The following PLAAT1 variants were observed in gnomAD, a reference collection of about 807,000 sequenced individuals.
PLAAT1 encodes the protein H-REV107 protein-related protein.
PLAAT1 carries 13 observed loss-of-function variants against 16.4 expected under a neutral mutation model. The observed-to-expected ratio is 0.79, with a 90% confidence interval of 0.52 to 1.26. The LOEUF (loss-of-function observed/expected upper bound fraction) is 1.26. Among genes scored for constraint, PLAAT1 ranks in the 50% most tolerant of loss-of-function variants. The pLI, the probability that PLAAT1 is intolerant of heterozygous loss-of-function variation, is 0.00. For synonymous variants in PLAAT1, 73 were observed against 78.4 expected (o/e 0.93, Z 0.36); for missense variants, 218 against 207.8 (o/e 1.05, Z -0.30).
intron 1 of PLAAT1, 67 bp downstream of exon 1, chr3:193,241,600 G>GC (rs1715750515): frequency 8.7e-7 from 1 of 1,143,250 alleles, no homozygotes; most frequent in African/African-American, 1.6e-5. Context: ...TAACCAACTG[G>GC]CAAGTGGGAA....
chr3:193,253,108 A>C (rs1053140029), intron 1 of PLAAT1, among the ~76,000 whole-genome samples: 1 of 152,194 alleles, frequency 6.6e-6, no homozygotes, highest in African/African-American at 2.4e-5. Flanking sequence ...GGAGACCATT[A>C]GATTAGATAA....
rs1232013218 is a variant in PLAAT1 at position 193,244,481 on chromosome 3, A to T, written c.-1+2948A>T. On this transcript the variant is annotated intron_variant, in intron 1 of 3. Coordinates refer to ENST00000264735, the MANE Select transcript of PLAAT1 (RefSeq NM_020386.5). The stretch of plus-strand genomic sequence containing the variant: ...ATATCTCATTTTGTTTTTTTTTTTT[A>T]AATTGACAATGATTTATATTTATGG... Among the ~76,000 whole-genome samples the T allele has an allele frequency of 8.9e-5, 13 of 146,418 alleles. No homozygotes were observed. The East Asian group carries it at 1.6e-3, about 18-fold the overall frequency.
intron 2 of PLAAT1, among the ~76,000 whole-genome samples, chr3:193,259,196 A>G (rs548985398): frequency 1.3e-4 from 20 of 152,300 alleles, no homozygotes; most frequent in African/African-American, 4.6e-4. Context: ...ACATCCCTTC[A>G]TGTTAAAAAC....
rs767681431 is a variant in PLAAT1, at chr3:193,255,733, A to G, written c.83A>G (p.Tyr28Cys). The change falls in exon 2 of 4, where the codon TAT becomes TGT. Residue 28 changes from tyrosine to cysteine, a missense_variant. Physicochemically the swap from Tyr to Cys is radical, Grantham distance 194. Transcript: ENST00000264735. ...TTGATCGAAGTGTTCCGTCCTGGCT[A>G]TCAGCACTGGGCCCTGTACTTGGGT... ...GDLIEVFRPG[Y>C]QHWALYLGDG... 31 of 1,613,174 alleles carry G rather than the reference A, an allele frequency of 1.9e-5. No homozygotes were observed. Among genetic ancestry groups the G allele is most frequent in the East Asian group, 1.1e-4 (5 of 44,856 alleles).
downstream of PLAAT1, chr3:193,279,557 T>A (rs1378323564): frequency 1.2e-6 from 1 of 816,824 alleles, no homozygotes; most frequent in East Asian, 2.6e-5. Context: ...ATACCAGATA[T>A]ATCTTCAGAT....
intron 1 of PLAAT1, among the ~76,000 whole-genome samples, chr3:193,249,478 T>C (rs565999876): frequency 7.2e-5 from 11 of 152,286 alleles, no homozygotes; most frequent in East Asian, 3.9e-4. Context: ...CATTTCATTA[T>C]GTTGATGAGA....
intron 1 of PLAAT1, among the ~76,000 whole-genome samples, chr3:193,250,863 T>C (rs1021351304): frequency 1.5e-5 from 2 of 136,498 alleles, no homozygotes; most frequent in South Asian, 5.4e-4. Context: ...CTTTTTCCAA[T>C]TGGAGATTAA....
rs1716710919 is a variant in PLAAT1, at chr3:193,264,573, A to G, written c.405+1338A>G. On this transcript the variant is annotated intron_variant, in intron 3 of 3. Transcript: ENST00000264735. ...GGCTGGAGTGCAGTGGCACGATCTCAGCTCACTGCAACCTCCGCCTCCTGG... is the reference window on the plus strand; with the variant it reads ...GGCTGGAGTGCAGTGGCACGATCTCGGCTCACTGCAACCTCCGCCTCCTGG... Among the ~76,000 whole-genome samples the G allele has an allele frequency of 2.0e-5, 3 of 151,250 alleles. No homozygotes were observed. The South Asian group carries it at 6.2e-4, about 31-fold the overall frequency.
chr3:193,277,170 T>TAAATCATTCA (rs1717256697), intron 2 of PLAAT1, among the ~76,000 whole-genome samples: 2 of 152,184 alleles, frequency 1.3e-5, no homozygotes, highest in Admixed American at 6.5e-5. Flanking sequence ...AGGCTAAGAT[T>TAAATCATTCA]AAATCATTCA....
chr3:193,273,709 A>G (rs1193943677), downstream of PLAAT1, among the ~76,000 whole-genome samples: 1 of 152,206 alleles, frequency 6.6e-6, no homozygotes, highest in Non-Finnish European at 1.5e-5. Flanking sequence ...ATTTTCTCTC[A>G]AGTTTATGGT....
rs1232675357 is a variant in PLAAT1, at chr3:193,241,286, T to G, written c.-248T>G. 1 of 1,229,942 alleles carries G rather than the reference T, an allele frequency of 8.1e-7. No individual in the cohort carries two copies. The highest frequency in any genetic ancestry group is 4.1e-5 in the South Asian group (1 of 24,282). 76.2% of individuals were successfully genotyped at this position (1,229,942 alleles called of 1,614,324 possible). A position where few individuals can be genotyped will look rare whatever the true frequency, so the allele number is the denominator to read the frequency against. ...AGCCCAGCGCGTCGGCCCCCCGGCG[T>G]GCGGGCGTCTCAGAGCCGCGGAGGG... On this transcript the variant is annotated 5_prime_UTR_variant, in exon 1 of 4. Transcript: ENST00000264735.
downstream of PLAAT1, among the ~76,000 whole-genome samples, chr3:193,273,782 G>A (rs964385479): frequency 6.6e-6 from 1 of 152,168 alleles, no homozygotes; most frequent in Non-Finnish European, 1.5e-5. Context: ...ACCCTTTCAT[G>A]TGCTATTTAA....
At position 193,248,698 on chromosome 3, in the gene PLAAT1, T is replaced by C. The variant is rs796654314; in HGVS notation, c.1-6953T>C. 6.6e-5 allele frequency among the ~76,000 whole-genome samples: 10 copies of C among 152,262 alleles called. No individual in the cohort carries two copies. In the South Asian group the frequency reaches 2.1e-3, roughly 32 times the overall value. ...ATCACTTGTACAAACTCTAAACTTT[T>C]ACTATCCCCTCCAACAATTTGTTTT... On this transcript the variant is annotated intron_variant, in intron 1 of 3. Transcript: ENST00000264735.
chr3:193,251,985 T>G (rs1716206817), intron 1 of PLAAT1, among the ~76,000 whole-genome samples: 1 of 152,168 alleles, frequency 6.6e-6, no homozygotes, highest in African/African-American at 2.4e-5. Flanking sequence ...TTTTCTTTGG[T>G]GAAATTAGTC....
At chr3:193,277,125 A>G (rs1158093877) in intron 2 of PLAAT1, among the ~76,000 whole-genome samples, 14 of 152,188 alleles carry the variant, frequency 9.2e-5, no homozygotes, top group African/African-American at 3.4e-4. Context: ...TTTGGAGGCT[A>G]TGTGTCTGTC....
chr3:193,257,344 G>C (rs531019871), intron 2 of PLAAT1, among the ~76,000 whole-genome samples: 2 of 152,276 alleles, frequency 1.3e-5, no homozygotes, highest in East Asian at 1.9e-4. Flanking sequence ...GTGCTGGATA[G>C]ATATAAATAA....
chr3:193,272,059 A>G (rs1236985455), downstream of PLAAT1, among the ~76,000 whole-genome samples: 8 of 152,130 alleles, frequency 5.3e-5, no homozygotes, highest in Admixed American at 5.2e-4. Flanking sequence ...GTCTCCTACC[A>G]GGAACTAATG....
At chr3:193,249,648 G>T (rs1300443798) in intron 1 of PLAAT1, among the ~76,000 whole-genome samples, 4 of 151,884 alleles carry the variant, frequency 2.6e-5, no homozygotes. Flanking sequence ...TCTGTTTAAT[G>T]CTGTCCACTA....
chr3:193,258,496 G>T (rs1716461500), intron 2 of PLAAT1, among the ~76,000 whole-genome samples: 1 of 135,588 alleles, frequency 7.4e-6, no homozygotes, highest in African/African-American at 2.8e-5. Context: ...ATAAATGATT[G>T]ATAGATTGCT....
Sources: gnomAD v4.1 joint callset for allele counts (sites outside exome capture counted in the v4.1 genomes callset) on GRCh38, gnomAD v4.1.1 for gene constraint, MANE v1.5 for transcripts, NCBI Gene and HGNC (gene_info 2026-07-23, HGNC 2026-07-21) for gene names.